RABGAP1L: variants seen among roughly 807,000 people sequenced by gnomAD.
RABGAP1L encodes RAB GTPase activating protein 1 like.
A neutral mutation model predicts 137.7 loss-of-function variants in RABGAP1L; 63 were observed. That is an observed-to-expected ratio of 0.46 (90% CI 0.37 to 0.56). The LOEUF is 0.56. Among genes scored for constraint, RABGAP1L ranks in the 20% least tolerant of loss-of-function variants. RABGAP1L has a pLI of 0.00. For missense variants in RABGAP1L, 1,095 were observed against 1,244.0 expected (o/e 0.88, Z 1.80); for synonymous variants, 431 against 433.7 (o/e 0.99, Z 0.08).
At chr1:174,400,703 T>G (rs1348860748) in intron 13 of RABGAP1L, among the ~76,000 whole-genome samples, 1 of 152,082 alleles carries the variant, frequency 6.6e-6, no homozygotes, top group East Asian at 1.9e-4. Context: ...ACCTCTTCTC[T>G]TTTTGCCAGG....
chr1:174,173,409 C>A (rs192234929), intron 1 of RABGAP1L, among the ~76,000 whole-genome samples: 1 of 152,048 alleles, frequency 6.6e-6, no homozygotes, highest in Admixed American at 6.6e-5. Flanking sequence ...GGATTACAGG[C>A]GTGAGCCACA....
intron 13 of RABGAP1L, among the ~76,000 whole-genome samples, chr1:174,589,908 G>C (rs971705639): frequency 6.6e-6 from 1 of 152,008 alleles, no homozygotes; most frequent in Non-Finnish European, 1.5e-5. Context: ...CTCCAGTTTT[G>C]TTCTTTTTGT....
intron 18 of RABGAP1L, among the ~76,000 whole-genome samples, chr1:174,759,750 G>A (rs950964472): frequency 6.6e-6 from 1 of 152,148 alleles, no homozygotes; most frequent in Non-Finnish European, 1.5e-5. Context: ...ATGACAAGAG[G>A]AGAAGCAAGA....
At chr1:174,724,410 A>C (rs1305674371) in intron 17 of RABGAP1L, among the ~76,000 whole-genome samples, 2 of 152,214 alleles carry the variant, frequency 1.3e-5, no homozygotes, top group East Asian at 3.8e-4. Flanking sequence ...CCAGACATGA[A>C]TATGAGACAG....
Position 174,811,832 on chromosome 1 carries a change from A to G in RABGAP1L, c.2212A>G (p.Thr738Ala). The change falls in exon 19 of 26, where the codon ACC (threonine) becomes GCC (alanine). Residue 738 changes from threonine (T) to alanine (A), a missense_variant and splice_region_variant. Coordinates refer to ENST00000681986, the MANE Select transcript of RABGAP1L (RefSeq NM_001366446.1). ...ACGATTCTTGATGATTATTTTGCAGACCTCAAAGGAAGACCTTCTGCAGGC... is the reference window on the plus strand; with the variant it reads ...ACGATTCTTGATGATTATTTTGCAGGCCTCAAAGGAAGACCTTCTGCAGGC... The part of the protein sequence containing the change: ...IFHVALALLK[T>A]SKEDLLQADF... The G allele has an allele frequency of 6.4e-7, 1 of 1,557,664 alleles. No homozygotes were observed. The highest frequency in any genetic ancestry group is 8.7e-7 in the Non-Finnish European group (1 of 1,155,482).
At chr1:174,790,610 G>A (rs545020014) in intron 18 of RABGAP1L, among the ~76,000 whole-genome samples, 205 of 142,046 alleles carry the variant, frequency 1.4e-3, no homozygotes, top group African/African-American at 4.7e-3. Flanking sequence ...CTCTAGCCTG[G>A]GCGACAAAAG....
Position 174,771,258 on chromosome 1 carries a change from A to G in RABGAP1L, c.2211+18904A>G, listed in dbSNP as rs74126878. Reference sequence around the variant, plus strand: ...AAATCATCTAACCTTTTAACACTTAATTTCCTAACTTATAAAATAAAGAGA... The same window carrying G: ...AAATCATCTAACCTTTTAACACTTAGTTTCCTAACTTATAAAATAAAGAGA... On this transcript the variant is annotated intron_variant, in intron 18 of 25. Transcript: ENST00000681986. 5.8e-3 allele frequency among the ~76,000 whole-genome samples: 878 copies of G among 152,326 alleles called. 8 individuals carry two copies. Among genetic ancestry groups the G allele is most frequent in the African/African-American group, 0.02 (838 of 41,572 alleles).
intron 19 of RABGAP1L, among the ~76,000 whole-genome samples, chr1:174,930,171 C>G (rs1663550291): frequency 2.0e-5 from 3 of 151,800 alleles, no homozygotes; most frequent in Admixed American, 2.0e-4. Flanking sequence ...TTCTTTAACT[C>G]CTTTAAAAAT....
At position 174,241,650 on chromosome 1, in the gene RABGAP1L, AAG is replaced by A; in HGVS notation, c.713_714del (p.Glu238GlyfsTer22). On this transcript the variant is annotated frameshift_variant, in exon 5 of 26. Transcript: ENST00000681986. LOFTEE classifies it high-confidence loss of function. ...ATACATGTTTTCTCCTGTGAAATTA[AAG>A]AGGCAGTAAGTATAATATAGTATAG... The A allele has an allele frequency of 6.2e-7, 1 of 1,610,324 alleles. No homozygotes were observed. Among genetic ancestry groups the A allele is most frequent in the African/African-American group, 1.3e-5 (1 of 74,928 alleles).
chr1:174,553,554 G>A (rs1442337110), intron 13 of RABGAP1L, among the ~76,000 whole-genome samples: 1 of 152,160 alleles, frequency 6.6e-6, no homozygotes, highest in African/African-American at 2.4e-5. Flanking sequence ...GAGAAGAGGA[G>A]GGAACACTTC....
intron 18 of RABGAP1L, among the ~76,000 whole-genome samples, chr1:174,806,289 C>G (rs745549954): frequency 1.3e-5 from 2 of 152,172 alleles, no homozygotes; most frequent in Non-Finnish European, 2.9e-5. Context: ...TAATTATCTG[C>G]AGAGCCAGCT....
rs75222047 is a variant in RABGAP1L, at chr1:174,491,613, C to A, written c.1710+97468C>A. Among the ~76,000 whole-genome samples the A allele has an allele frequency of 5.1e-4, 78 of 152,152 alleles. No homozygotes were observed. The South Asian group carries it at 0.013, about 25-fold the overall frequency. ...TGTCTCAGTAAGTTACATGTCCCCCCAGTCCACTGGCTCTGACACCAGCCC... is the reference window on the plus strand; with the variant it reads ...TGTCTCAGTAAGTTACATGTCCCCCAAGTCCACTGGCTCTGACACCAGCCC... On this transcript the variant is annotated intron_variant, in intron 13 of 25. Transcript: ENST00000681986.
intron 13 of RABGAP1L, among the ~76,000 whole-genome samples, chr1:174,567,183 A>G (rs1003095002): frequency 1.3e-5 from 2 of 151,606 alleles, no homozygotes; most frequent in African/African-American, 2.4e-5. Context: ...CCACCCTTCT[A>G]CCTCTCCCCA....
intron 13 of RABGAP1L, among the ~76,000 whole-genome samples, chr1:174,570,572 T>C (rs1015480220): frequency 1.3e-5 from 2 of 152,096 alleles, no homozygotes; most frequent in African/African-American, 4.8e-5. Flanking sequence ...GGTACTATGC[T>C]TACTACCTAG....
chr1:174,410,982 A>G (rs1649860754), intron 13 of RABGAP1L, among the ~76,000 whole-genome samples: 1 of 152,054 alleles, frequency 6.6e-6, no homozygotes, highest in South Asian at 2.1e-4. Flanking sequence ...ATTCCTAGGT[A>G]TATTTTTTTG....
chr1:174,645,421 A>C (rs542926997), intron 14 of RABGAP1L, among the ~76,000 whole-genome samples: 1 of 111,836 alleles, frequency 8.9e-6, no homozygotes, highest in Non-Finnish European at 1.8e-5. Context: ...CCAGTGTGTG[A>C]TGTTCCCCTC....
Position 174,250,643 on chromosome 1 carries a change from T to G in RABGAP1L, c.875+11T>G, listed in dbSNP as rs1672640315. The G allele has an allele frequency of 1.2e-6, 2 of 1,609,222 alleles. No homozygotes were observed. The highest frequency in any genetic ancestry group is 4.5e-5 in the East Asian group (2 of 44,838). On this transcript the variant is annotated intron_variant, in intron 6 of 25. Coordinates refer to ENST00000681986, the MANE Select transcript of RABGAP1L (RefSeq NM_001366446.1). ...AAAAGGAAACTTTAGGTGAGGCATTTGGAAAGATTAAAAATTCGCATTGTA... is the reference window on the plus strand; with the variant it reads ...AAAAGGAAACTTTAGGTGAGGCATTGGGAAAGATTAAAAATTCGCATTGTA...
chr1:174,711,411 G>T (rs866822520), intron 17 of RABGAP1L, among the ~76,000 whole-genome samples: 2 of 152,054 alleles, frequency 1.3e-5, no homozygotes, highest in African/African-American at 4.8e-5. Flanking sequence ...AGGCGTGGGT[G>T]GGAACCGAGG....
At chr1:174,497,879 T>C (rs1410711565) in intron 13 of RABGAP1L, among the ~76,000 whole-genome samples, 1 of 151,952 alleles carries the variant, frequency 6.6e-6, no homozygotes, top group African/African-American at 2.4e-5. Context: ...GTCAGGGAGT[T>C]ACATGTTACA....
Sources: allele counts gnomAD v4.1 joint callset (sites outside exome capture counted in the v4.1 genomes callset), GRCh38; gene constraint gnomAD v4.1.1; transcripts MANE v1.5; gene names NCBI Gene and HGNC (gene_info 2026-07-23, HGNC 2026-07-21).